Variants in LRRTM4 observed in about 807,000 individuals in gnomAD.
The protein encoded by LRRTM4 is leucine-rich repeat transmembrane neuronal protein 4.
LRRTM4 carries 25 observed loss-of-function variants against 47.6 expected under a neutral mutation model. The ratio of observed to expected loss-of-function variants is 0.53; its 90% CI spans 0.38 to 0.73. LRRTM4 has a LOEUF of 0.73. LRRTM4 is among the 30% of genes least tolerant of loss of function. The probability of loss-of-function intolerance (pLI) is 0.00; values close to 1 mark genes in which losing one functional copy is unlikely to be tolerated. For synonymous variants in LRRTM4, 311 were observed against 269.5 expected, an observed-to-expected ratio of 1.15 and a Z score of -1.51; for missense variants, 638 against 713.4, an observed-to-expected ratio of 0.89 and a Z score of 1.20.
chr2:76,916,656 A>C (rs1287625569), intron 3 of LRRTM4, among the ~76,000 whole-genome samples: 2 of 152,158 alleles, frequency 1.3e-5, no homozygotes, highest in Non-Finnish European at 2.9e-5. Flanking sequence ...GCCTCAAACA[A>C]ACCAATGCAA....
At chr2:77,393,552 T>G (rs919990187) in intron 3 of LRRTM4, among the ~76,000 whole-genome samples, 1 of 152,010 alleles carries the variant, frequency 6.6e-6, no homozygotes, top group Admixed American at 6.6e-5. Context: ...CTTTACATTA[T>G]TTACTAAAGA....
chr2:77,435,017 G>A (rs927330793), intron 3 of LRRTM4, among the ~76,000 whole-genome samples: 3 of 151,878 alleles, frequency 2.0e-5, no homozygotes, highest in African/African-American at 7.2e-5. Context: ...ACAATTTTTT[G>A]TTCTCAATTG....
chr2:77,245,509 C>T (rs1573134228), intron 3 of LRRTM4, among the ~76,000 whole-genome samples: 1 of 116,190 alleles, frequency 8.6e-6, no homozygotes, highest in Non-Finnish European at 1.6e-5. Flanking sequence ...CAGAGCAAGA[C>T]ACTGCCTCAA....
chr2:76,980,363 G>A (rs868833046), intron 3 of LRRTM4, among the ~76,000 whole-genome samples: 2 of 151,982 alleles, frequency 1.3e-5, no homozygotes, highest in Non-Finnish European at 2.9e-5. Flanking sequence ...AAAGTGTAGT[G>A]TCTTGTATGT....
intron 3 of LRRTM4, among the ~76,000 whole-genome samples, chr2:76,967,507 T>A (rs1422267330): frequency 1.3e-5 from 2 of 151,526 alleles, no homozygotes; most frequent in Non-Finnish European, 3.0e-5. Context: ...TTGGTATTGT[T>A]GAAATGTGGG....
At chr2:77,143,075 A>G (rs1672168101) in intron 3 of LRRTM4, among the ~76,000 whole-genome samples, 1 of 152,162 alleles carries the variant, frequency 6.6e-6, no homozygotes, top group Non-Finnish European at 1.5e-5. Context: ...CCATTTATCA[A>G]ATGCTTATCT....
intron 3 of LRRTM4, among the ~76,000 whole-genome samples, chr2:76,959,371 A>C (rs2103907875): frequency 6.6e-6 from 1 of 151,766 alleles, no homozygotes; most frequent in Non-Finnish European, 1.5e-5. Flanking sequence ...ATAGAAAAAT[A>C]TCACATCAGT....
intron 3 of LRRTM4, among the ~76,000 whole-genome samples, chr2:77,089,106 G>C (rs542614803): frequency 6.6e-6 from 1 of 152,158 alleles, no homozygotes; most frequent in South Asian, 2.1e-4. Context: ...AAGGACGCCT[G>C]CCTTGGTCCT....
intron 3 of LRRTM4, among the ~76,000 whole-genome samples, chr2:76,918,115 A>G (rs914812386): frequency 7.2e-5 from 11 of 152,190 alleles, no homozygotes; most frequent in African/African-American, 2.4e-4. Context: ...TCTTTTCACA[A>G]AACAATGACA....
intron 3 of LRRTM4, among the ~76,000 whole-genome samples, chr2:77,228,193 T>C (rs559550662): frequency 6.6e-6 from 1 of 152,252 alleles, no homozygotes; most frequent in South Asian, 2.1e-4. Flanking sequence ...TAAGATATTA[T>C]TATTTGGGTG....
intron 2 of LRRTM4, among the ~76,000 whole-genome samples, chr2:77,520,358 A>G (rs958234117): frequency 2.0e-5 from 3 of 152,054 alleles, no homozygotes; most frequent in African/African-American, 7.2e-5. Flanking sequence ...AGGTAACCCA[A>G]GTTTGCCCTG....
intron 3 of LRRTM4, among the ~76,000 whole-genome samples, chr2:77,235,195 G>A (rs568072278): frequency 6.6e-6 from 1 of 152,096 alleles, no homozygotes; most frequent in South Asian, 2.1e-4. Flanking sequence ...ATGAGCATGT[G>A]AGGCCAGCAT....
chr2:77,000,044 A>G (rs932529519), intron 3 of LRRTM4, among the ~76,000 whole-genome samples: 2 of 151,442 alleles, frequency 1.3e-5, no homozygotes, highest in Non-Finnish European at 2.9e-5. Flanking sequence ...TACTGAAGGT[A>G]GACTGAAAAA....
At position 77,031,843 on chromosome 2, in the gene LRRTM4, C is replaced by A. The variant is rs544346610; in HGVS notation, c.1552-282927G>T. Among the ~76,000 whole-genome samples the A allele has an allele frequency of 3.9e-5, 6 of 152,226 alleles. No individual in the cohort carries two copies. The South Asian group carries it at 1.0e-3, about 26-fold the overall frequency. ...GAAGTAAATTTAGAGATATGACTGTCTGCCTACTTGACACGTCTTCCTGAA... is the reference window on the plus strand; with the variant it reads ...GAAGTAAATTTAGAGATATGACTGTATGCCTACTTGACACGTCTTCCTGAA... On this transcript the variant is annotated intron_variant, in intron 3 of 3. Coordinates refer to ENST00000409884, the MANE Select transcript of LRRTM4 (RefSeq NM_001134745.3).
At chr2:76,968,340 G>GTATATATATA (rs61103340) in intron 3 of LRRTM4, among the ~76,000 whole-genome samples, 182 of 76,588 alleles carry the variant, frequency 2.4e-3, no homozygotes, top group Non-Finnish European at 3.8e-3. Context: ...GTGTATGTGT[G>GTATATATATA]TATATATATA....
intron 3 of LRRTM4, among the ~76,000 whole-genome samples, chr2:76,998,686 A>G (rs1677295114): frequency 6.6e-6 from 1 of 152,074 alleles, no homozygotes; most frequent in Non-Finnish European, 1.5e-5. Flanking sequence ...AAAACCCAAA[A>G]AAACAAAAAA....
chr2:77,128,924 G>A (rs1009238991), intron 3 of LRRTM4, among the ~76,000 whole-genome samples: 17 of 152,196 alleles, frequency 1.1e-4, no homozygotes, highest in Admixed American at 4.6e-4. Context: ...ATAGGCATAA[G>A]CTACCACACC....
chr2:77,126,032 TTATA>T (rs538746965), intron 3 of LRRTM4, among the ~76,000 whole-genome samples: 5 of 151,636 alleles, frequency 3.3e-5, no homozygotes, highest in African/African-American at 1.2e-4. Context: ...TATGTGCACT[TTATA>T]TATATAGGGT....
At chr2:77,368,828 T>A (rs1178627268) in intron 3 of LRRTM4, among the ~76,000 whole-genome samples, 1 of 151,730 alleles carries the variant, frequency 6.6e-6, no homozygotes, top group Non-Finnish European at 1.5e-5. Flanking sequence ...CTTTATGAGG[T>A]GGTGATTTTG....
Sources: allele counts gnomAD v4.1 joint callset (sites outside exome capture counted in the v4.1 genomes callset), GRCh38; gene constraint gnomAD v4.1.1; transcripts MANE v1.5; gene names NCBI Gene and HGNC (gene_info 2026-07-23, HGNC 2026-07-21).